KRT72: variants seen among roughly 807,000 people sequenced by gnomAD.
KRT72 encodes keratin, type II cytoskeletal 72.
Under a neutral mutation model 44.7 loss-of-function variants are expected in KRT72, and 44 were observed. The observed-to-expected ratio is 0.98, with a 90% CI of 0.77 to 1.27. The LOEUF is 1.27. Ranked by LOEUF, KRT72 falls within the 50% of genes most tolerant of loss-of-function variation. The pLI, the probability that KRT72 is intolerant of heterozygous loss-of-function variation, is 0.00. For synonymous variants in KRT72, 302 were observed against 280.4 expected, an observed-to-expected ratio of 1.08 and a Z score of -0.77; for missense variants, 736 against 667.1, an observed-to-expected ratio of 1.10 and a Z score of -1.14.
At chr12:52,586,358 T>A (rs1293565205) in intron 8 of KRT72, among the ~76,000 whole-genome samples, 186 bp from the exon 9 acceptor site, 2 of 152,354 alleles carry the variant, frequency 1.3e-5, no homozygotes, top group African/African-American at 4.8e-5. Context: ...ACAGCTTCAG[T>A]TTTCATGCAC....
intron 5 of KRT72, among the ~76,000 whole-genome samples, chr12:52,591,251 T>C (rs908711299): frequency 8.5e-5 from 13 of 152,144 alleles, no homozygotes; most frequent in African/African-American, 2.9e-4. Context: ...CTAAGCCCCA[T>C]ATATGTCCGC....
In KRT72 at chr12:52,601,117, C is replaced by T. The variant is rs1294327989; in HGVS notation, c.336G>A (p.Val112=). The change falls in exon 1 of 9, where the codon GTG becomes GTA. Residue 112 remains valine (V), a synonymous_variant. Transcript: ENST00000293745. The part of the protein sequence containing the change: ...VNKSLLAPLN[V]EMDPEIQRVR... ...CCCTCTGGATCTCGGGGTCCATCTC[C>T]ACGTTGAGCGGGGCCAGGAGGCTCT... 2.5e-6 allele frequency: 4 copies of T among 1,613,190 alleles called. No individual in the cohort carries two copies. The South Asian group carries it at 4.4e-5, about 18-fold the overall frequency.
At chr12:52,600,511 CA>C (rs1056409889) in intron 1 of KRT72, among the ~76,000 whole-genome samples, 24 of 152,262 alleles carry the variant, frequency 1.6e-4, no homozygotes, top group South Asian at 6.2e-4. Flanking sequence ...GGGAGGGACC[CA>C]GGGGGGAGGT....
Position 52,591,607 on chromosome 12 carries a change from G to A in KRT72, c.820C>T (p.His274Tyr). 1 of 1,613,502 alleles carries A rather than the reference G, an allele frequency of 6.2e-7. No individual in the cohort carries two copies. Among genetic ancestry groups the A allele is most frequent in the Non-Finnish European group, 8.5e-7 (1 of 1,179,518 alleles). Residue 274 changes from histidine to tyrosine, a missense_variant, in exon 5 of 9, where the codon CAC becomes TAC. Physicochemically the swap from His to Tyr is moderately conservative, Grantham distance 83. Transcript: ENST00000293745. The stretch of plus-strand genomic sequence containing the variant: ...AGGACGATGGACGTGTCGCTGATGT[G>A]GGACTGGATCTGAGTGATCTCCTGG... ...YEGEITQIQS[H>Y]ISDTSIVLSM... is the part of the protein sequence containing the mutation.
At position 52,601,236 on chromosome 12, in the gene KRT72, C is replaced by T. The variant is rs57242225; in HGVS notation, c.217G>A (p.Gly73Ser). The T allele has an allele frequency of 0.053, 84,093 of 1,588,306 alleles. 2,950 individuals are homozygous for T. Among genetic ancestry groups the T allele is most frequent in the African/African-American group, 0.17 (12,874 of 74,274 alleles). Residue 73 changes from glycine (G) to serine (S), a missense_variant, in exon 1 of 9, where the codon GGC becomes AGC. Gly to Ser is a moderately conservative substitution (Grantham distance 56, BLOSUM62 0). Transcript: ENST00000293745. ...CTGCCGAAGGCGGTGCCCACGAAGC[C>T]GCCCAGGCGGCCGCCGCCCCGCCGT... ...AARRGGGRLGGFVGTAFGSAG... is the reference protein window; with the variant it reads ...AARRGGGRLGSFVGTAFGSAG...
In KRT72 at chr12:52,586,135, A is replaced by T; in HGVS notation, c.1383T>A (p.Ala461=). Residue 461 remains alanine (A), a synonymous_variant, in exon 9 of 9, where the codon GCT becomes GCA. Transcript: ENST00000293745. ...AGGCGCCAAAGCCCATGCTGAAGCC[A>T]GCCCCTCCTGCCCCAGCATTGGTGC... ...ISSTNAGAGG[A]GFSMGFGASS... 6.2e-7 allele frequency: 1 copy of T among 1,614,132 alleles called. No individual in the cohort carries two copies. Among genetic ancestry groups the T allele is most frequent in the Non-Finnish European group, 8.5e-7 (1 of 1,180,012 alleles).
At chr12:52,598,304 T>C (rs563165400) in intron 2 of KRT72, among the ~76,000 whole-genome samples, 1 of 152,280 alleles carries the variant, frequency 6.6e-6, no homozygotes, top group South Asian at 2.1e-4. Flanking sequence ...GCCACTTGAA[T>C]TGTGGAAGAA....
chr12:52,602,871 A>G (rs555986219), upstream of KRT72, among the ~76,000 whole-genome samples: 3 of 152,316 alleles, frequency 2.0e-5, no homozygotes, highest in African/African-American at 7.2e-5. Flanking sequence ...ACATAATAAC[A>G]GCCGAAGCGT....
upstream of KRT72, among the ~76,000 whole-genome samples, chr12:52,602,623 G>A (rs1012726517): frequency 6.6e-6 from 1 of 152,182 alleles, no homozygotes; most frequent in African/African-American, 2.4e-5. Context: ...TCCTCTATCA[G>A]ATTGACAGGG....
intron 5 of KRT72, among the ~76,000 whole-genome samples, chr12:52,591,182 G>A (rs879684790): frequency 2.1e-4 from 32 of 152,204 alleles, no homozygotes; most frequent in Admixed American, 1.2e-3. Context: ...AACTGTGTCA[G>A]AATCCTATCA....
chr12:52,594,716 G>A (rs1222338487), intron 2 of KRT72, among the ~76,000 whole-genome samples: 2 of 152,194 alleles, frequency 1.3e-5, no homozygotes, highest in African/African-American at 4.8e-5. Flanking sequence ...AAACCTGCAC[G>A]TTGTGCAAAT....
chr12:52,588,102 A>C (rs1939852382), intron 6 of KRT72, among the ~76,000 whole-genome samples: 1 of 152,236 alleles, frequency 6.6e-6, no homozygotes, highest in African/African-American at 2.4e-5. Context: ...GGCACGGAGA[A>C]AGAGGGCGGC....
chr12:52,602,210 C>T (rs1940498352), upstream of KRT72, among the ~76,000 whole-genome samples: 1 of 152,196 alleles, frequency 6.6e-6, no homozygotes, highest in South Asian at 2.1e-4. Context: ...TACAGGAAGA[C>T]TCAGGCATGG....
At chr12:52,588,643 T>C (rs1185728253) in intron 6 of KRT72, among the ~76,000 whole-genome samples, 1 of 152,222 alleles carries the variant, frequency 6.6e-6, no homozygotes, top group Admixed American at 6.5e-5. Flanking sequence ...GTAACAAACC[T>C]GCACATCCCG....
intron 6 of KRT72, among the ~76,000 whole-genome samples, chr12:52,588,904 G>A (rs1180850834): frequency 1.4e-4 from 22 of 152,092 alleles, no homozygotes; most frequent in Non-Finnish European, 7.4e-5. Context: ...AGAGGCTGAG[G>A]CAGGAGAGTC....
rs567847444 is a variant in KRT72 at position 52,601,372 on chromosome 12, G to C, written c.81C>G (p.Ile27Met). Residue 27 changes from isoleucine to methionine, a missense_variant, in exon 1 of 9, where the codon ATC (isoleucine) becomes ATG (methionine). Transcript: ENST00000293745. ...CCCGGAATGAGGCGGAGCTGCTGCCGATCCCGCCAGAGAGGACCGCGGAGC... is the reference window on the plus strand; with the variant it reads ...CCCGGAATGAGGCGGAGCTGCTGCCCATCCCGCCAGAGAGGACCGCGGAGC... Reference protein sequence around the residue: ...SGCSAVLSGGIGSSSASFRAR... With the variant: ...SGCSAVLSGGMGSSSASFRAR... 3.2e-6 allele frequency: 5 copies of C among 1,542,916 alleles called. No homozygotes were observed. The South Asian group carries it at 3.6e-5, about 11-fold the overall frequency.
chr12:52,593,200 A>C (rs1431301302), intron 2 of KRT72, among the ~76,000 whole-genome samples: 1 of 152,182 alleles, frequency 6.6e-6, no homozygotes, highest in Non-Finnish European at 1.5e-5. Context: ...TGTGGTTGAG[A>C]TGTCATGCAG....
At chr12:52,600,887 G>T in intron 1 of KRT72, 140 bp downstream of exon 1, 1 of 846,640 alleles carries the variant, frequency 1.2e-6, no homozygotes, top group Non-Finnish European at 1.8e-6. Flanking sequence ...ACCCATTATT[G>T]TGCCCATTTT....
chr12:52,600,801 G>A (rs188576483), intron 1 of KRT72, among the ~76,000 whole-genome samples: 116 of 152,182 alleles, frequency 7.6e-4, no homozygotes, highest in Middle Eastern at 3.4e-3. Flanking sequence ...CTGTTTATTG[G>A]AAGTATGTGC....
Sources: gnomAD v4.1 joint callset for allele counts (sites outside exome capture counted in the v4.1 genomes callset) on GRCh38, gnomAD v4.1.1 for gene constraint, MANE v1.5 for transcripts, NCBI Gene and HGNC (gene_info 2026-07-23, HGNC 2026-07-21) for gene names.